The following CYLC2 variants were observed in gnomAD, a reference collection of about 807,000 sequenced individuals.
CYLC2 encodes cylicin-2.
In CYLC2, 30 loss-of-function variants were observed where a neutral mutation model predicts 26.1. The ratio of observed to expected loss-of-function variants is 1.15; its 90% CI spans 0.86 to 1.56. The LOEUF (loss-of-function observed/expected upper bound fraction) is 1.56, where lower values mean the gene tolerates loss of function less well. Among genes scored for constraint, CYLC2 ranks in the 40% most tolerant of loss-of-function variants. CYLC2 has a pLI of 0.00. For synonymous variants in CYLC2, 158 were observed against 132.8 expected (o/e 1.19, Z -1.31); for missense variants, 498 against 394.4 (o/e 1.26, Z -2.23).
At chr9:103,017,093 C>T (rs1325848439) in intron 7 of CYLC2, 132 bp downstream of exon 7, 1 of 150,416 alleles carries the variant, frequency 6.6e-6, no homozygotes, top group East Asian at 2.0e-4. Context: ...CAATAAAAGT[C>T]ATTTGAGTAA....
chr9:103,013,295 ATTTACATGTTATATGTT>A (rs1386582936), intron 6 of CYLC2, among the ~76,000 whole-genome samples: 4 of 77,134 alleles, frequency 5.2e-5, no homozygotes, highest in African/African-American at 2.1e-4. Context: ...TTAAATATAT[ATTTACATGTTATATGTT>A]TATATAACCT....
rs200174424 is a variant in CYLC2, at chr9:103,003,206, A to G, written c.123A>G (p.Gln41=). 3.1e-5 allele frequency: 50 copies of G among 1,613,778 alleles called. No individual in the cohort carries two copies. Among genetic ancestry groups the G allele is most frequent in the Non-Finnish European group, 4.0e-5 (47 of 1,179,884 alleles). ...TTGCCCTGTTATTTCCCAAACCACA[A>G]CGGCCAGGAACCAAAAGGAGATCAA... ...QHFALLFPKP[Q]RPGTKRRSKP... is the part of the protein sequence containing the mutation. Residue 41 remains glutamine, a synonymous_variant, in exon 3 of 8, where the codon CAA becomes CAG. Transcript: ENST00000374798.
intron 1 of CYLC2, among the ~76,000 whole-genome samples, chr9:102,999,104 T>C (rs2118223490): frequency 6.6e-6 from 1 of 151,942 alleles, no homozygotes; most frequent in Admixed American, 6.6e-5. Flanking sequence ...CTGTGGACTT[T>C]TGTTTTCTTC....
chr9:103,007,874 CT>C (rs1829367817), intron 5 of CYLC2, among the ~76,000 whole-genome samples: 1 of 152,032 alleles, frequency 6.6e-6, no homozygotes, highest in African/African-American at 2.4e-5. Flanking sequence ...TTCTTTAACA[CT>C]TAACATTGGG....
rs1006853869 is a variant in CYLC2 at position 103,006,271 on chromosome 9, T to A, written c.*593T>A. 1 of 151,666 alleles carries A rather than the reference T, an allele frequency of 6.6e-6. No individual in the cohort carries two copies. The allele number at this position is 151,666 out of a possible 1,614,324, so 9.4% of individuals were successfully genotyped here. ...AAAAAGTAAAAGAAAAGAAAAAAAA[T>A]GTATTACCACCCGATGAGCCTACAT... On this transcript the variant is annotated 3_prime_UTR_variant, in exon 5 of 8. Transcript: ENST00000374798.
intron 5 of CYLC2, among the ~76,000 whole-genome samples, chr9:103,010,064 T>C (rs138438512): frequency 0.018 from 2,724 of 151,938 alleles, 82 homozygotes; most frequent in African/African-American, 0.063. Context: ...TCATTTTTGA[T>C]GGCATCAAAA....
At chr9:102,998,625 G>C (rs551893717) in intron 1 of CYLC2, among the ~76,000 whole-genome samples, 73 of 151,984 alleles carry the variant, frequency 4.8e-4, no homozygotes, top group African/African-American at 1.6e-3. Context: ...GTTTATTGCT[G>C]TTTGGGTTCC....
Position 103,003,224 on chromosome 9 carries a change from G to T in CYLC2, c.141G>T (p.Arg47Ser), listed in dbSNP as rs774112186. Reference protein sequence around the residue: ...FPKPQRPGTKRRSKPSQIRDN... With the variant: ...FPKPQRPGTKSRSKPSQIRDN... ...AACCACAACGGCCAGGAACCAAAAG[G>T]AGATCAAAACCTTCTCAAATACGGG... is the stretch of plus-strand genomic sequence containing the variant. The change falls in exon 3 of 8, where the codon AGG becomes AGT. Residue 47 changes from arginine to serine, a missense_variant. Arg to Ser is a moderately radical substitution (Grantham distance 110, BLOSUM62 -1). Coordinates refer to ENST00000374798, the MANE Select transcript of CYLC2 (RefSeq NM_001340.5). 28 of 1,613,658 alleles carry T rather than the reference G, an allele frequency of 1.7e-5. No individual in the cohort carries two copies. The highest frequency in any genetic ancestry group is 3.4e-6 in the Non-Finnish European group (4 of 1,179,848).
chr9:103,007,756 C>T (rs947187), intron 5 of CYLC2, among the ~76,000 whole-genome samples: 113,385 of 152,006 alleles, frequency 0.75, 42,829 homozygotes, highest in East Asian at 1. Flanking sequence ...CTTCCTGACA[C>T]AAACTTTGGA....
intron 3 of CYLC2, 29 bp downstream of exon 3, chr9:103,003,292 C>T (rs1229174141): frequency 1.3e-6 from 2 of 1,571,300 alleles, no homozygotes; most frequent in Admixed American, 1.7e-5. Flanking sequence ...TTATAATTAT[C>T]AGTAATAAGT....
chr9:103,013,294 T>C (rs1274129397), intron 6 of CYLC2, among the ~76,000 whole-genome samples: 1 of 108,514 alleles, frequency 9.2e-6, no homozygotes, highest in Non-Finnish European at 1.7e-5. Flanking sequence ...ATTAAATATA[T>C]ATTTACATGT....
chr9:102,996,385 A>C (rs190845476), intron 1 of CYLC2, among the ~76,000 whole-genome samples: 1 of 152,060 alleles, frequency 6.6e-6, no homozygotes, highest in East Asian at 1.9e-4. Context: ...TATCATGAGC[A>C]TCAAATAGCT....
At chr9:103,010,664 T>A (rs567868442) in intron 5 of CYLC2, 1 of 152,106 alleles carries the variant, frequency 6.6e-6, no homozygotes, top group East Asian at 1.9e-4. Context: ...TGTATAGTTA[T>A]GTTAAAATTA....
intron 1 of CYLC2, among the ~76,000 whole-genome samples, chr9:102,997,219 G>T (rs954757242): frequency 6.6e-6 from 1 of 151,768 alleles, no homozygotes; most frequent in African/African-American, 2.4e-5. Flanking sequence ...GGGTAGGGGA[G>T]ATCCAGCATT....
rs1283666948 is a variant in CYLC2 at position 103,013,495 on chromosome 9, ATATAT to A, written c.*816+1405_*816+1409del. Among the ~76,000 whole-genome samples the A allele has an allele frequency of 2.9e-4, 32 of 111,102 alleles. 1 individual carries two copies. The highest frequency in any genetic ancestry group is 7.4e-4 in the African/African-American group (20 of 26,994). The allele number at this position is 111,102 out of a possible 152,430, so 72.9% of individuals were successfully genotyped here. A position where few individuals can be genotyped will look rare whatever the true frequency, so the allele number is the denominator to read the frequency against. On this transcript the variant is annotated intron_variant, in intron 6 of 7. Coordinates refer to ENST00000374798, the MANE Select transcript of CYLC2 (RefSeq NM_001340.5). ...TATAAATATATATTTAACATATTAC[ATATAT>A]TATATTTGTAAGAAATAAATTATAT...
Position 103,005,516 on chromosome 9 carries a change from C to T in CYLC2, c.885C>T (p.Asp295=), listed in dbSNP as rs16922388. Residue 295 remains aspartate, a synonymous_variant, in exon 5 of 8, where the codon GAC becomes GAT. Coordinates refer to ENST00000374798, the MANE Select transcript of CYLC2 (RefSeq NM_001340.5). The part of the protein sequence containing the change: ...KDDVKKESKK[D]ATKDAKKVAK... ...ATGTCAAGAAAGAGTCTAAGAAGGA[C>T]GCCACGAAAGATGCCAAGAAAGTTG... The T allele has an allele frequency of 9.8e-3, 15,827 of 1,612,360 alleles. 736 individuals are homozygous for T. The East Asian group carries it at 0.16, about 16-fold the overall frequency.
At chr9:102,997,157 A>G (rs117780412) in intron 1 of CYLC2, among the ~76,000 whole-genome samples, 2,286 of 152,002 alleles carry the variant, frequency 0.015, 92 homozygotes, top group Admixed American at 0.087. Context: ...GGCACCACTC[A>G]CATCGTAGTC....
chr9:102,996,660 T>C (rs376935083), intron 1 of CYLC2, among the ~76,000 whole-genome samples: 7 of 152,122 alleles, frequency 4.6e-5, no homozygotes, highest in African/African-American at 1.4e-4. Flanking sequence ...AATTTTCGAC[T>C]CCATTTGTCT....
intron 6 of CYLC2, among the ~76,000 whole-genome samples, chr9:103,014,237 G>A (rs1301359840): frequency 8.4e-6 from 1 of 119,674 alleles, no homozygotes; most frequent in African/African-American, 3.3e-5. Flanking sequence ...TAATATATAT[G>A]TATGTAATAT....
Sources: allele counts gnomAD v4.1 joint callset (sites outside exome capture counted in the v4.1 genomes callset), GRCh38; gene constraint gnomAD v4.1.1; transcripts MANE v1.5; gene names NCBI Gene and HGNC (gene_info 2026-07-23, HGNC 2026-07-21).